THSD7B: variants seen among roughly 807,000 people sequenced by gnomAD.
THSD7B encodes thrombospondin type 1 domain containing 7B.
Under a neutral mutation model 213.6 loss-of-function variants are expected in THSD7B, and 138 were observed. The observed-to-expected ratio is 0.65, with a 90% CI of 0.56 to 0.74. The LOEUF is 0.74. THSD7B is among the 30% of genes least tolerant of loss of function. THSD7B has a pLI of 0.00. For synonymous variants in THSD7B, 742 were observed against 687.0 expected (o/e 1.08, Z -1.25); for missense variants, 1,931 against 1,991.5 (o/e 0.97, Z 0.58).
intron 15 of THSD7B, among the ~76,000 whole-genome samples, chr2:137,488,807 A>C (rs1392729849): frequency 6.6e-6 from 1 of 152,190 alleles, no homozygotes; most frequent in Non-Finnish European, 1.5e-5. Context: ...AGAAGAAAGA[A>C]CTTTGTTCAT....
intron 4 of THSD7B, among the ~76,000 whole-genome samples, chr2:137,104,654 C>A (rs146696047): frequency 6.6e-6 from 1 of 151,884 alleles, no homozygotes; most frequent in African/African-American, 2.4e-5. Context: ...AAATGATAGA[C>A]GGCTAGCCAG....
intron 3 of THSD7B, among the ~76,000 whole-genome samples, chr2:137,068,953 C>G (rs1023840603): frequency 2.0e-5 from 3 of 152,072 alleles, no homozygotes; most frequent in African/African-American, 7.2e-5. Flanking sequence ...ATGCCCTTTA[C>G]TAGCTATCTC....
chr2:136,997,637 G>A (rs1685918939), intron 2 of THSD7B, among the ~76,000 whole-genome samples: 1 of 152,156 alleles, frequency 6.6e-6, no homozygotes, highest in Non-Finnish European at 1.5e-5. Context: ...AGAGGTGGAG[G>A]AAACTCATGT....
intron 2 of THSD7B, among the ~76,000 whole-genome samples, chr2:136,935,796 G>T (rs1293000062): frequency 6.6e-6 from 1 of 151,564 alleles, no homozygotes; most frequent in Non-Finnish European, 1.5e-5. Flanking sequence ...GTGAAGGGGG[G>T]ACAGTTGGGA....
chr2:137,315,871 C>T (rs1684086800), intron 12 of THSD7B, among the ~76,000 whole-genome samples: 2 of 152,202 alleles, frequency 1.3e-5, no homozygotes, highest in South Asian at 4.1e-4. Context: ...TGTCTTCACA[C>T]ATTAGTAATT....
intron 15 of THSD7B, among the ~76,000 whole-genome samples, chr2:137,496,284 A>G (rs1468310609): frequency 6.6e-6 from 1 of 152,218 alleles, no homozygotes; most frequent in Non-Finnish European, 1.5e-5. Flanking sequence ...CCTACGGCCA[A>G]AGACTGATAG....
intron 14 of THSD7B, among the ~76,000 whole-genome samples, chr2:137,431,861 G>A (rs1687192954): frequency 6.6e-6 from 1 of 152,056 alleles, no homozygotes; most frequent in South Asian, 2.1e-4. Flanking sequence ...GCTTATAGGT[G>A]ATAAGAATGA....
At chr2:137,497,696 C>T (rs1408559770) in intron 15 of THSD7B, among the ~76,000 whole-genome samples, 2 of 151,834 alleles carry the variant, frequency 1.3e-5, no homozygotes, top group Non-Finnish European at 2.9e-5. Context: ...TCTTTGAAAA[C>T]ATCTCTGACA....
chr2:136,864,168 T>G (rs1346733), intron 1 of THSD7B, among the ~76,000 whole-genome samples: 115,920 of 152,202 alleles, frequency 0.76, 44,421 homozygotes, highest in Middle Eastern at 0.86. Flanking sequence ...TCCACACAGT[T>G]CAGTGAAGTG....
At chr2:137,340,449 T>A (rs376678883) in intron 12 of THSD7B, among the ~76,000 whole-genome samples, 100 of 152,038 alleles carry the variant, frequency 6.6e-4, no homozygotes, top group African/African-American at 2.4e-3. Flanking sequence ...TTAAAAAGTT[T>A]TTGTGGTAAG....
At chr2:136,832,547 C>G (rs1249408836) in intron 1 of THSD7B, among the ~76,000 whole-genome samples, 1 of 152,136 alleles carries the variant, frequency 6.6e-6, no homozygotes, top group Admixed American at 6.5e-5. Flanking sequence ...CTAATTTTAT[C>G]CAGACACACT....
Position 136,953,748 on chromosome 2 carries a change from T to C in THSD7B, c.139+71431T>C, listed in dbSNP as rs146124086. 8.9e-3 allele frequency among the ~76,000 whole-genome samples: 1,357 copies of C among 152,288 alleles called. 16 individuals carry two copies. The highest frequency in any genetic ancestry group is 0.03 in the South Asian group (144 of 4,816). On this transcript the variant is annotated intron_variant, in intron 2 of 27. Transcript: ENST00000409968. ...CCCAAAGCCTGCAAATAAACATCTA[T>C]TGGTAAAACACAAATAATTCCTAAT...
chr2:136,990,944 C>T, intron 2 of THSD7B: 1 of 1,337,700 alleles, frequency 7.5e-7, no homozygotes, highest in Non-Finnish European at 9.9e-7. Flanking sequence ...GCAGGTAAAT[C>T]AGAAGAATCA....
chr2:137,637,167 G>C (rs1573757571), intron 20 of THSD7B, among the ~76,000 whole-genome samples: 1 of 152,194 alleles, frequency 6.6e-6, no homozygotes, highest in Admixed American at 6.5e-5. Context: ...CTGGGAGATA[G>C]CTGCTTGGTT....
intron 15 of THSD7B, among the ~76,000 whole-genome samples, chr2:137,513,360 A>G (rs566784699): frequency 1.3e-5 from 2 of 152,314 alleles, no homozygotes; most frequent in South Asian, 4.1e-4. Context: ...TAGGATTGAT[A>G]TTTTAATTGC....
chr2:137,347,461 T>G (rs1382034877), intron 12 of THSD7B, among the ~76,000 whole-genome samples: 2 of 151,500 alleles, frequency 1.3e-5, no homozygotes, highest in Non-Finnish European at 3.0e-5. Flanking sequence ...AAGTGTGGAC[T>G]CCGGGGAGCT....
intron 20 of THSD7B, among the ~76,000 whole-genome samples, chr2:137,636,479 C>T (rs1419798427): frequency 2.6e-5 from 4 of 152,186 alleles, no homozygotes; most frequent in African/African-American, 9.7e-5. Flanking sequence ...GTCCTAATAA[C>T]AAGTGCATAA....
chr2:137,584,147 A>C (rs1468203566), intron 17 of THSD7B, among the ~76,000 whole-genome samples: 1 of 152,006 alleles, frequency 6.6e-6, no homozygotes, highest in Admixed American at 6.6e-5. Flanking sequence ...TTCGTCTGTT[A>C]TTGCTGTATA....
intron 1 of THSD7B, among the ~76,000 whole-genome samples, chr2:136,850,675 T>G (rs1683084195): frequency 6.6e-6 from 1 of 152,014 alleles, no homozygotes; most frequent in African/African-American, 2.4e-5. Flanking sequence ...ATTTGTTGCT[T>G]GGCAATGAAT....
Sources: allele counts gnomAD v4.1 joint callset (sites outside exome capture counted in the v4.1 genomes callset), GRCh38; gene constraint gnomAD v4.1.1; transcripts MANE v1.5; gene names NCBI Gene and HGNC (gene_info 2026-07-23, HGNC 2026-07-21).